The following ERBB4 variants were observed in gnomAD, a reference collection of about 807,000 sequenced individuals.
ERBB4 encodes receptor tyrosine-protein kinase erbB-4.
Under a neutral mutation model 158.0 loss-of-function variants are expected in ERBB4, and 42 were observed. The observed-to-expected ratio is 0.27, with a 90% CI of 0.21 to 0.34. The LOEUF is 0.34. ERBB4 is among the 10% of genes least tolerant of loss of function. The pLI, the probability that ERBB4 is intolerant of heterozygous loss-of-function variation, is 1.00. For missense variants in ERBB4, 1,333 were observed against 1,624.1 expected (o/e 0.82, Z 3.08); for synonymous variants, 583 against 558.7 (o/e 1.04, Z -0.61).
At chr2:212,389,362 C>T (rs1445743966) in intron 1 of ERBB4, among the ~76,000 whole-genome samples, 1 of 152,020 alleles carries the variant, frequency 6.6e-6, no homozygotes, top group Non-Finnish European at 1.5e-5. Context: ...GATCAGTGTT[C>T]AAAAGTTGCT....
chr2:212,435,445 AC>A lies in ERBB4; in HGVS notation c.82+103003del, dbSNP rs1560313372. On this transcript the variant is annotated intron_variant, in intron 1 of 27. Coordinates refer to ENST00000342788, the MANE Select transcript of ERBB4 (RefSeq NM_005235.3). ...AGAAGAAGAATTCTACACAATGTGA[AC>A]ACCTATTTATTTTTATCACATAATA... Among the ~76,000 whole-genome samples, 4 of 152,110 alleles carry A rather than the reference AC, an allele frequency of 2.6e-5. No homozygotes were observed. In the South Asian group the frequency reaches 6.2e-4, roughly 24 times the overall value.
At chr2:212,051,503 A>T (rs1308278946) in intron 2 of ERBB4, among the ~76,000 whole-genome samples, 1 of 152,176 alleles carries the variant, frequency 6.6e-6, no homozygotes, top group African/African-American at 2.4e-5. Context: ...TAATATAATA[A>T]AAATTGATGT....
At chr2:211,483,650 C>A (rs2065137521) in intron 20 of ERBB4, among the ~76,000 whole-genome samples, 1 of 152,104 alleles carries the variant, frequency 6.6e-6, no homozygotes, top group South Asian at 2.1e-4. Flanking sequence ...CTCCCAGATT[C>A]AAGTGATTCT....
At chr2:212,129,084 T>C (rs1401972923) in intron 1 of ERBB4, among the ~76,000 whole-genome samples, 3 of 152,000 alleles carry the variant, frequency 2.0e-5, no homozygotes, top group Non-Finnish European at 2.9e-5. Context: ...GATGAACATA[T>C]TTTAGTACAA....
At chr2:211,948,084 A>T (rs2080753312) in intron 2 of ERBB4, among the ~76,000 whole-genome samples, 3 of 152,302 alleles carry the variant, frequency 2.0e-5, no homozygotes, top group African/African-American at 7.2e-5. Flanking sequence ...TATATTTATC[A>T]AATAACAATT....
At chr2:211,631,852 T>C (rs1306582483) in intron 16 of ERBB4, among the ~76,000 whole-genome samples, 1 of 152,064 alleles carries the variant, frequency 6.6e-6, no homozygotes, top group Admixed American at 6.6e-5. Flanking sequence ...TTTTATATCT[T>C]ATATTTATAT....
chr2:212,398,971 T>G (rs1454162239), intron 1 of ERBB4, among the ~76,000 whole-genome samples: 4 of 152,052 alleles, frequency 2.6e-5, no homozygotes, highest in Non-Finnish European at 5.9e-5. Context: ...TGATACGGAG[T>G]CTCGCTCTGT....
At chr2:212,166,299 A>G (rs1005307686) in intron 1 of ERBB4, among the ~76,000 whole-genome samples, 2 of 152,112 alleles carry the variant, frequency 1.3e-5, no homozygotes, top group African/African-American at 4.8e-5. Flanking sequence ...TTCTCACTAC[A>G]GATTTAGATG....
intron 1 of ERBB4, among the ~76,000 whole-genome samples, chr2:212,495,935 G>A (rs1375250450): frequency 6.6e-6 from 1 of 152,034 alleles, no homozygotes; most frequent in Non-Finnish European, 1.5e-5. Context: ...AACAACCAGA[G>A]ATTTGTGATT....
At chr2:211,495,233 G>GTAAAA (rs1388137528) in intron 20 of ERBB4, among the ~76,000 whole-genome samples, 1 of 151,972 alleles carries the variant, frequency 6.6e-6, no homozygotes, top group Non-Finnish European at 1.5e-5. Context: ...AAAATTATAT[G>GTAAAA]TAAAACAGCA....
intron 1 of ERBB4, among the ~76,000 whole-genome samples, chr2:212,421,099 T>G (rs1007835455): frequency 6.6e-6 from 1 of 152,132 alleles, no homozygotes; most frequent in African/African-American, 2.4e-5. Context: ...TTTTAAAGCC[T>G]AAACATAATT....
intron 20 of ERBB4, among the ~76,000 whole-genome samples, chr2:211,444,100 T>C (rs1208830817): frequency 6.6e-6 from 1 of 151,098 alleles, no homozygotes; most frequent in Non-Finnish European, 1.5e-5. Flanking sequence ...TCGTTAAAGT[T>C]TGTGGGGTTT....
chr2:211,613,895 C>T (rs945507734), intron 19 of ERBB4, among the ~76,000 whole-genome samples: 7 of 152,054 alleles, frequency 4.6e-5, no homozygotes, highest in African/African-American at 9.6e-5. Flanking sequence ...AGCTACCATA[C>T]GATACAGCAA....
In ERBB4 at chr2:212,169,091, T is replaced by A. The variant is rs576970538; in HGVS notation, c.83-44188A>T. On this transcript the variant is annotated intron_variant, in intron 1 of 27. Transcript: ENST00000342788. ...CTTGGAGAATATGCAAATCATTGCT[T>A]TCATTTTGAAATGAAATTTATTATC... Among the ~76,000 whole-genome samples, 26 of 152,312 alleles carry A rather than the reference T, an allele frequency of 1.7e-4. No homozygotes were observed. In the East Asian group the frequency reaches 2.5e-3, roughly 15 times the overall value.
chr2:211,646,505 A>G (rs1484963864), intron 16 of ERBB4, among the ~76,000 whole-genome samples: 1 of 151,618 alleles, frequency 6.6e-6, no homozygotes, highest in East Asian at 1.9e-4. Flanking sequence ...AGCCAAAGAA[A>G]TTTTATTTGT....
At chr2:211,509,098 C>T (rs1278064776) in intron 20 of ERBB4, among the ~76,000 whole-genome samples, 1 of 152,052 alleles carries the variant, frequency 6.6e-6, no homozygotes, top group Non-Finnish European at 1.5e-5. Flanking sequence ...AAACCAAACA[C>T]CGCATGTTCT....
At chr2:211,507,735 A>C (rs1213016902) in intron 20 of ERBB4, among the ~76,000 whole-genome samples, 1 of 152,116 alleles carries the variant, frequency 6.6e-6, no homozygotes, top group Non-Finnish European at 1.5e-5. Flanking sequence ...TTCAAACTAT[A>C]CTATAAGGCT....
At chr2:212,503,223 T>G (rs1208435429) in intron 1 of ERBB4, among the ~76,000 whole-genome samples, 1 of 152,246 alleles carries the variant, frequency 6.6e-6, no homozygotes, top group Non-Finnish European at 1.5e-5. Context: ...GTTGTTGTTT[T>G]GTTCTATCAG....
At chr2:211,518,319 G>A (rs946542152) in intron 20 of ERBB4, among the ~76,000 whole-genome samples, 6 of 152,012 alleles carry the variant, frequency 3.9e-5, no homozygotes, top group African/African-American at 1.2e-4. Flanking sequence ...AAGGAAGTAA[G>A]AACAATTCAT....
Sources: allele counts gnomAD v4.1 joint callset (sites outside exome capture counted in the v4.1 genomes callset), GRCh38; gene constraint gnomAD v4.1.1; transcripts MANE v1.5; gene names NCBI Gene and HGNC (gene_info 2026-07-23, HGNC 2026-07-21).